Variants in EPB41L4A observed in about 807,000 individuals in gnomAD.
EPB41L4A encodes the protein band 4.1-like protein 4A.
Under a neutral mutation model 108.6 loss-of-function variants are expected in EPB41L4A, and 100 were observed. The ratio of observed to expected loss-of-function variants is 0.92; its 90% CI spans 0.78 to 1.09. The LOEUF (loss-of-function observed/expected upper bound fraction) is 1.09, where lower values mean the gene tolerates loss of function less well. EPB41L4A is among the 50% of genes least tolerant of loss of function. The pLI, the probability that EPB41L4A is intolerant of heterozygous loss-of-function variation, is 0.00. For missense variants in EPB41L4A, 1,030 were observed against 842.7 expected, an observed-to-expected ratio of 1.22 and a Z score of -2.75; for synonymous variants, 319 against 289.0, an observed-to-expected ratio of 1.10 and a Z score of -1.05.
intron 1 of EPB41L4A, among the ~76,000 whole-genome samples, chr5:112,370,492 C>T (rs575462063): frequency 1.3e-5 from 2 of 152,050 alleles, no homozygotes; most frequent in South Asian, 4.2e-4. Flanking sequence ...TACAAAACAC[C>T]CTCCTAATCA....
chr5:112,216,436 G>T (rs1296203092), intron 12 of EPB41L4A, among the ~76,000 whole-genome samples: 3 of 152,148 alleles, frequency 2.0e-5, no homozygotes, highest in Non-Finnish European at 4.4e-5. Context: ...TGAAAAAAAT[G>T]TATTTGGAAA....
chr5:112,333,741 A>T (rs1424561552), intron 1 of EPB41L4A, among the ~76,000 whole-genome samples: 1 of 152,096 alleles, frequency 6.6e-6, no homozygotes, highest in Non-Finnish European at 1.5e-5. Context: ...TTTTTGCATA[A>T]ATGCTTTTCT....
chr5:112,300,080 G>A (rs1693840159), intron 2 of EPB41L4A, among the ~76,000 whole-genome samples: 1 of 152,112 alleles, frequency 6.6e-6, no homozygotes. Context: ...ATACCTGGTT[G>A]GTGAATTCTT....
intron 4 of EPB41L4A, among the ~76,000 whole-genome samples, chr5:112,269,678 C>G (rs1351765128): frequency 6.6e-6 from 1 of 152,124 alleles, no homozygotes; most frequent in Non-Finnish European, 1.5e-5. Context: ...TCATCATTCT[C>G]TAAAGTGTCA....
intron 1 of EPB41L4A, among the ~76,000 whole-genome samples, chr5:112,401,894 C>A (rs1404680672): frequency 6.6e-6 from 1 of 152,168 alleles, no homozygotes; most frequent in Non-Finnish European, 1.5e-5. Context: ...GTCTAATAAG[C>A]CATGAATTCC....
intron 3 of EPB41L4A, among the ~76,000 whole-genome samples, chr5:112,275,630 T>C (rs752455244): frequency 6.6e-6 from 1 of 152,180 alleles, no homozygotes; most frequent in Non-Finnish European, 1.5e-5. Flanking sequence ...CTGGTTCTTA[T>C]GTCTGGTTGG....
chr5:112,148,205 T>C (rs977270556), intron 12 of EPB41L4A, among the ~76,000 whole-genome samples: 3 of 148,226 alleles, frequency 2.0e-5, no homozygotes, highest in Non-Finnish European at 4.5e-5. Flanking sequence ...TACTATATAA[T>C]ATAATAATAT....
intron 1 of EPB41L4A, among the ~76,000 whole-genome samples, chr5:112,329,592 C>T (rs1401097850): frequency 2.6e-5 from 4 of 152,220 alleles, no homozygotes; most frequent in Non-Finnish European, 5.9e-5. Context: ...TGAGACTCCA[C>T]ATTTCCTGCC....
intron 9 of EPB41L4A, among the ~76,000 whole-genome samples, chr5:112,250,322 A>G (rs1750570624): frequency 6.6e-6 from 1 of 152,184 alleles, no homozygotes; most frequent in Admixed American, 6.5e-5. Flanking sequence ...AACTTTGAAA[A>G]CTATCATGTT....
intron 1 of EPB41L4A, among the ~76,000 whole-genome samples, chr5:112,370,219 TA>T (rs1759402523): frequency 6.6e-6 from 1 of 151,198 alleles, no homozygotes; most frequent in Admixed American, 6.6e-5. Flanking sequence ...TTACATTTTG[TA>T]AAGACAGGGT....
At chr5:112,232,925 C>T (rs1015381431) in intron 12 of EPB41L4A, among the ~76,000 whole-genome samples, 5 of 152,140 alleles carry the variant, frequency 3.3e-5, no homozygotes, top group African/African-American at 1.2e-4. Flanking sequence ...GATCTATAAG[C>T]AAGCCACAAA....
chr5:112,326,542 T>C (rs1190230520), intron 1 of EPB41L4A, among the ~76,000 whole-genome samples: 4 of 152,254 alleles, frequency 2.6e-5, no homozygotes, highest in Non-Finnish European at 4.4e-5. Context: ...ACAAAAGTTC[T>C]ACCAATGGGC....
chr5:112,383,838 C>T (rs1422653410), intron 1 of EPB41L4A, among the ~76,000 whole-genome samples: 2 of 151,880 alleles, frequency 1.3e-5, no homozygotes, highest in Non-Finnish European at 2.9e-5. Flanking sequence ...TATATTGGGA[C>T]AAAAAGTTAT....
intron 1 of EPB41L4A, among the ~76,000 whole-genome samples, chr5:112,323,999 G>C (rs182405789): frequency 1.4e-4 from 21 of 152,224 alleles, no homozygotes; most frequent in African/African-American, 4.6e-4. Context: ...TTTTCAACAT[G>C]CAAGAACTTA....
At chr5:112,337,371 T>A (rs1756987623) in intron 1 of EPB41L4A, among the ~76,000 whole-genome samples, 1 of 152,214 alleles carries the variant, frequency 6.6e-6, no homozygotes, top group African/African-American at 2.4e-5. Flanking sequence ...GCTGGGTATC[T>A]ACCATATATC....
Position 112,262,572 on chromosome 5 carries a change from A to T in EPB41L4A, c.564T>A (p.Ile188=). The T allele has an allele frequency of 6.2e-7, 1 of 1,614,102 alleles. No homozygotes were observed. The highest frequency in any genetic ancestry group is 1.1e-5 in the South Asian group (1 of 91,078). ...AGTAATTCAGCTCAGCCTCAGAAGG[A>T]ATCTGACCCCTACACCCAGCACAAA... ...ERIHKTLMGQ[I]PSEAELNYLR... is the part of the protein sequence containing the mutation. Residue 188 remains isoleucine, a synonymous_variant, in exon 7 of 23, where the codon ATT becomes ATA. Transcript: ENST00000261486.
intron 1 of EPB41L4A, among the ~76,000 whole-genome samples, chr5:112,394,347 T>G (rs529106237): frequency 6.6e-6 from 1 of 152,112 alleles, no homozygotes; most frequent in Admixed American, 6.5e-5. Flanking sequence ...AACACCATAA[T>G]CTCGGCCCAA....
intron 1 of EPB41L4A, among the ~76,000 whole-genome samples, chr5:112,353,369 C>T (rs942791932): frequency 2.0e-5 from 3 of 152,178 alleles, no homozygotes; most frequent in Non-Finnish European, 4.4e-5. Context: ...CAGTGGCGGG[C>T]TGAGCAGGCC....
intron 17 of EPB41L4A, 85 bp downstream of exon 17, chr5:112,194,483 A>G: frequency 1.4e-6 from 1 of 737,070 alleles, no homozygotes; most frequent in Non-Finnish European, 2.2e-6. Flanking sequence ...TGGAAAAAAC[A>G]GACTTACAAA....
Sources: allele counts gnomAD v4.1 joint callset (sites outside exome capture counted in the v4.1 genomes callset), GRCh38; gene constraint gnomAD v4.1.1; transcripts MANE v1.5; gene names NCBI Gene and HGNC (gene_info 2026-07-23, HGNC 2026-07-21).